NCAM2: variants seen among roughly 807,000 people sequenced by gnomAD.
NCAM2 encodes N-CAM-2.
Under a neutral mutation model 98.1 loss-of-function variants are expected in NCAM2, and 30 were observed. The ratio of observed to expected loss-of-function variants is 0.31; its 90% confidence interval spans 0.23 to 0.41. The LOEUF (loss-of-function observed/expected upper bound fraction) is 0.41. Among genes scored for constraint, NCAM2 ranks in the 10% least tolerant of loss-of-function variants. The probability of loss-of-function intolerance (pLI) is 1.00; values close to 1 mark genes in which losing one functional copy is unlikely to be tolerated. For synonymous variants in NCAM2, 368 were observed against 342.4 expected (o/e 1.07, Z -0.83); for missense variants, 867 against 1,005.8 (o/e 0.86, Z 1.87).
At chr21:21,499,482 C>T (rs1987480315) in intron 15 of NCAM2, among the ~76,000 whole-genome samples, 1 of 152,148 alleles carries the variant, frequency 6.6e-6, no homozygotes, top group Non-Finnish European at 1.5e-5. Flanking sequence ...ACCTCATGAT[C>T]TGCCCTCCTC....
intron 1 of NCAM2, among the ~76,000 whole-genome samples, chr21:21,095,845 C>T (rs1485185674): frequency 6.6e-6 from 1 of 151,542 alleles, no homozygotes; most frequent in Admixed American, 6.6e-5. Context: ...TTATTTATCT[C>T]CCTTTATATT....
chr21:21,025,587 T>C (rs1033603937), intron 1 of NCAM2, among the ~76,000 whole-genome samples: 1 of 151,670 alleles, frequency 6.6e-6, no homozygotes, highest in Non-Finnish European at 1.5e-5. Flanking sequence ...TTACTTGGAG[T>C]CAAACCACTA....
intron 1 of NCAM2, among the ~76,000 whole-genome samples, chr21:21,172,638 A>C (rs977020726): frequency 1.3e-5 from 2 of 152,112 alleles, no homozygotes; most frequent in African/African-American, 4.8e-5. Flanking sequence ...TCAGCCTTTA[A>C]CTGGATAAAG....
chr21:21,472,748 T>C (rs1323485387), intron 14 of NCAM2, among the ~76,000 whole-genome samples: 2 of 151,910 alleles, frequency 1.3e-5, no homozygotes, highest in African/African-American at 2.4e-5. Flanking sequence ...AGGTAATGAA[T>C]AGGAAAATTA....
At chr21:21,281,684 A>C (rs1261145059) in intron 2 of NCAM2, among the ~76,000 whole-genome samples, 4 of 151,952 alleles carry the variant, frequency 2.6e-5, no homozygotes, top group Non-Finnish European at 4.4e-5. Flanking sequence ...GATATACCTA[A>C]ATAATTTTTT....
chr21:21,501,410 C>T (rs914176671), intron 15 of NCAM2, among the ~76,000 whole-genome samples: 3 of 151,752 alleles, frequency 2.0e-5, no homozygotes, highest in Admixed American at 6.6e-5. Flanking sequence ...GCTCCTTTGT[C>T]GTGTCTTTTG....
At chr21:21,332,478 G>T (rs578179200) in intron 6 of NCAM2, among the ~76,000 whole-genome samples, 1 of 152,062 alleles carries the variant, frequency 6.6e-6, no homozygotes, top group Non-Finnish European at 1.5e-5. Flanking sequence ...TGGTTGAATT[G>T]CAGATTATTC....
chr21:21,061,713 CTTATT>C (rs1187318591), intron 1 of NCAM2, among the ~76,000 whole-genome samples: 2 of 150,974 alleles, frequency 1.3e-5, no homozygotes, highest in Non-Finnish European at 3.0e-5. Context: ...AAAATATAAA[CTTATT>C]TTAACACATA....
chr21:21,235,992 G>GT (rs1358757223), intron 1 of NCAM2, among the ~76,000 whole-genome samples: 2 of 151,974 alleles, frequency 1.3e-5, no homozygotes, highest in Admixed American at 6.6e-5. Context: ...TACTTACTGA[G>GT]TTAATGAATG....
At chr21:21,461,446 T>A (rs183624817) in intron 12 of NCAM2, among the ~76,000 whole-genome samples, 1 of 152,018 alleles carries the variant, frequency 6.6e-6, no homozygotes, top group East Asian at 1.9e-4. Flanking sequence ...GAAAGTTACA[T>A]AAGCAGTACA....
At chr21:21,347,933 C>T in intron 8 of NCAM2, among the ~76,000 whole-genome samples, 1 of 151,912 alleles carries the variant, frequency 6.6e-6, no homozygotes, top group Non-Finnish European at 1.5e-5. Flanking sequence ...TAAAAACACT[C>T]AAAAAACTGG....
chr21:21,440,474 G>A (rs1444828004), intron 12 of NCAM2, among the ~76,000 whole-genome samples: 4 of 152,198 alleles, frequency 2.6e-5, no homozygotes, highest in Non-Finnish European at 5.9e-5. Context: ...TTGAGCTCAG[G>A]AGTTCAGGAC....
intron 17 of NCAM2, among the ~76,000 whole-genome samples, chr21:21,535,936 G>A (rs1271261890): frequency 6.6e-6 from 1 of 152,028 alleles, no homozygotes; most frequent in African/African-American, 2.4e-5. Flanking sequence ...AAAGCACTGG[G>A]TCATTAAAAA....
intron 8 of NCAM2, among the ~76,000 whole-genome samples, chr21:21,359,618 GTTGT>G (rs1003352444): frequency 6.6e-6 from 1 of 151,866 alleles, no homozygotes; most frequent in African/African-American, 2.4e-5. Context: ...TTTTATGATA[GTTGT>G]TTGGGGGAAA....
At position 21,482,321 on chromosome 21, in the gene NCAM2, C is replaced by A. The variant is rs1440171251; in HGVS notation, c.2077+4850C>A. Among the ~76,000 whole-genome samples the A allele has an allele frequency of 2.6e-5, 4 of 151,874 alleles. No homozygotes were observed. In the East Asian group the frequency reaches 7.7e-4, roughly 29 times the overall value. On this transcript the variant is annotated intron_variant, in intron 15 of 17. Coordinates refer to ENST00000400546, the MANE Select transcript of NCAM2 (RefSeq NM_004540.5). ...ATATTTGCAAAATATGAAAAAAGAT[C>A]ATATAATTTTATAACATTTTATTTT...
intron 5 of NCAM2, among the ~76,000 whole-genome samples, chr21:21,316,998 C>T (rs1333531475): frequency 6.6e-6 from 1 of 152,148 alleles, no homozygotes; most frequent in Admixed American, 6.5e-5. Flanking sequence ...CATTTACAAT[C>T]AGCCTGCTTT....
intron 15 of NCAM2, among the ~76,000 whole-genome samples, chr21:21,502,728 C>A (rs59586716): frequency 6.6e-6 from 1 of 151,754 alleles, no homozygotes; most frequent in Admixed American, 6.6e-5. Flanking sequence ...TATTTAATGT[C>A]TTCTCTTTTC....
At chr21:21,129,586 A>G (rs1216811278) in intron 1 of NCAM2, among the ~76,000 whole-genome samples, 1 of 152,126 alleles carries the variant, frequency 6.6e-6, no homozygotes, top group African/African-American at 2.4e-5. Flanking sequence ...AGGCACCAGT[A>G]GATTCAGCGT....
chr21:21,284,703 A>T (rs1440149482), intron 3 of NCAM2, among the ~76,000 whole-genome samples: 1 of 151,688 alleles, frequency 6.6e-6, no homozygotes, highest in East Asian at 1.9e-4. Context: ...TATGATATTT[A>T]TTCAGCATTT....
Sources: allele counts gnomAD v4.1 joint callset (sites outside exome capture counted in the v4.1 genomes callset), GRCh38; gene constraint gnomAD v4.1.1; transcripts MANE v1.5; gene names NCBI Gene and HGNC (gene_info 2026-07-23, HGNC 2026-07-21).